The following CFAP299 variants were observed in gnomAD, a reference collection of about 807,000 sequenced individuals.
The protein encoded by CFAP299 is cilia and flagella associated protein 299.
A neutral mutation model predicts 27.0 loss-of-function variants in CFAP299; 21 were observed. The ratio of observed to expected loss-of-function variants is 0.78; its 90% CI spans 0.55 to 1.12. The LOEUF is 1.12. Ranked by LOEUF, CFAP299 falls within the 50% of genes most tolerant of loss-of-function variation. The pLI, the probability that CFAP299 is intolerant of heterozygous loss-of-function variation, is 0.00. For synonymous variants in CFAP299, 104 were observed against 98.1 expected (o/e 1.06, Z -0.36); for missense variants, 310 against 276.6 (o/e 1.12, Z -0.86).
rs570340379 is a variant in CFAP299 at position 80,851,684 on chromosome 4, G to T, written c.334-18309G>T. ...TTGGAAAAATCAAGTAAGCTATAGG[G>T]TCATGTAGAAATAGTAATTTGAGTA... On this transcript the variant is annotated intron_variant, in intron 3 of 5. Transcript: ENST00000358105. Among the ~76,000 whole-genome samples, 3 of 152,228 alleles carry T rather than the reference G, an allele frequency of 2.0e-5. No individual in the cohort carries two copies. The South Asian group carries it at 6.2e-4, about 32-fold the overall frequency.
At chr4:80,548,722 G>A (rs1734360768) in intron 2 of CFAP299, among the ~76,000 whole-genome samples, 1 of 152,104 alleles carries the variant, frequency 6.6e-6, no homozygotes, top group African/African-American at 2.4e-5. Flanking sequence ...ATCAGGGTAT[G>A]ATGATTTGCT....
At chr4:80,357,026 T>C (rs903656345) in intron 1 of CFAP299, among the ~76,000 whole-genome samples, 4 of 152,122 alleles carry the variant, frequency 2.6e-5, no homozygotes, top group African/African-American at 9.7e-5. Context: ...ACCTGGTTTA[T>C]TGAGAATTTT....
At chr4:80,733,730 T>C (rs528941763) in intron 3 of CFAP299, among the ~76,000 whole-genome samples, 1 of 152,260 alleles carries the variant, frequency 6.6e-6, no homozygotes, top group East Asian at 1.9e-4. Flanking sequence ...TGCCTTTCCA[T>C]GGCTTGCTTA....
intron 3 of CFAP299, among the ~76,000 whole-genome samples, chr4:80,778,883 A>G (rs1392947299): frequency 6.6e-6 from 1 of 152,100 alleles, no homozygotes; most frequent in Non-Finnish European, 1.5e-5. Context: ...TCATTTGTGT[A>G]TGTGTTTTTA....
intron 2 of CFAP299, among the ~76,000 whole-genome samples, chr4:80,503,280 C>T (rs1166579537): frequency 6.6e-6 from 1 of 152,018 alleles, no homozygotes; most frequent in Admixed American, 6.6e-5. Context: ...TATTTTGGTA[C>T]ATATATTATA....
chr4:80,548,322 G>A (rs528107776), intron 2 of CFAP299, among the ~76,000 whole-genome samples: 5 of 152,140 alleles, frequency 3.3e-5, no homozygotes, highest in African/African-American at 1.2e-4. Context: ...ATAAGTGGGA[G>A]CTAAACATTT....
intron 2 of CFAP299, among the ~76,000 whole-genome samples, chr4:80,530,993 A>G (rs145879068): frequency 1.6e-3 from 251 of 152,310 alleles, no homozygotes; most frequent in Non-Finnish European, 3.0e-3. Flanking sequence ...ATTTAGTATA[A>G]GACTGGAATT....
At chr4:80,867,880 A>G (rs1192293786) in intron 3 of CFAP299, among the ~76,000 whole-genome samples, 1 of 152,146 alleles carries the variant, frequency 6.6e-6, no homozygotes, top group Non-Finnish European at 1.5e-5. Context: ...CATTTTGTGT[A>G]TTTTATTTTT....
At chr4:80,469,366 T>C (rs1729872205) in intron 2 of CFAP299, among the ~76,000 whole-genome samples, 1 of 152,180 alleles carries the variant, frequency 6.6e-6, no homozygotes, top group South Asian at 2.1e-4. Flanking sequence ...AAAGGATACA[T>C]AGTTATTTAG....
At chr4:80,407,185 C>T (rs1051833723) in intron 2 of CFAP299, among the ~76,000 whole-genome samples, 2 of 152,052 alleles carry the variant, frequency 1.3e-5, no homozygotes, top group East Asian at 1.9e-4. Flanking sequence ...CAGTAGAATA[C>T]ACAATAATAA....
intron 3 of CFAP299, among the ~76,000 whole-genome samples, chr4:80,674,990 TTTG>T (rs1280472647): frequency 7.9e-5 from 12 of 152,290 alleles, no homozygotes. Flanking sequence ...CTTGGAGAAG[TTTG>T]TTATTACCGA....
At chr4:80,384,422 T>C (rs1314572119) in intron 2 of CFAP299, among the ~76,000 whole-genome samples, 1 of 152,234 alleles carries the variant, frequency 6.6e-6, no homozygotes, top group Non-Finnish European at 1.5e-5. Context: ...ATGAAGAGTC[T>C]GGCATTCAGT....
chr4:80,668,373 C>T (rs1741250721), intron 3 of CFAP299, among the ~76,000 whole-genome samples: 1 of 152,112 alleles, frequency 6.6e-6, no homozygotes, highest in African/African-American at 2.4e-5. Flanking sequence ...CACAAAAATT[C>T]ATTTCCCAGA....
intron 2 of CFAP299, among the ~76,000 whole-genome samples, chr4:80,465,432 G>A (rs947721075): frequency 9.2e-5 from 14 of 152,180 alleles, no homozygotes; most frequent in African/African-American, 3.4e-4. Flanking sequence ...CAGACAAGAG[G>A]GAGAAGGTTG....
chr4:80,484,844 T>C (rs1458684211), intron 2 of CFAP299, among the ~76,000 whole-genome samples: 14 of 152,172 alleles, frequency 9.2e-5, no homozygotes, highest in Non-Finnish European at 2.9e-5. Context: ...ATATTTTTCC[T>C]GTGTGTCCTA....
intron 2 of CFAP299, among the ~76,000 whole-genome samples, chr4:80,399,313 C>G (rs1331966255): frequency 6.6e-6 from 1 of 152,094 alleles, no homozygotes; most frequent in Admixed American, 6.6e-5. Flanking sequence ...ACTAGAAATA[C>G]CATTTGACCC....
At chr4:80,691,434 G>T (rs1269015007) in intron 3 of CFAP299, among the ~76,000 whole-genome samples, 1 of 151,180 alleles carries the variant, frequency 6.6e-6, no homozygotes, top group Non-Finnish European at 1.5e-5. Context: ...CAGAACCAAA[G>T]ACAAAAACCA....
chr4:80,495,229 A>G (rs960946395), intron 2 of CFAP299, among the ~76,000 whole-genome samples: 1 of 152,166 alleles, frequency 6.6e-6, no homozygotes. Flanking sequence ...GAGAAAAACT[A>G]TTGAATTTGG....
intron 3 of CFAP299, among the ~76,000 whole-genome samples, chr4:80,670,743 T>C (rs969886171): frequency 2.0e-5 from 3 of 152,240 alleles, no homozygotes; most frequent in African/African-American, 7.2e-5. Context: ...TGACCAGTGA[T>C]GATGAGCATT....
Sources: gnomAD v4.1 joint callset for allele counts (sites outside exome capture counted in the v4.1 genomes callset) on GRCh38, gnomAD v4.1.1 for gene constraint, MANE v1.5 for transcripts, NCBI Gene and HGNC (gene_info 2026-07-23, HGNC 2026-07-21) for gene names.